Variants in KIF6 observed in about 807,000 individuals in gnomAD.
KIF6 encodes the protein kinesin family member 6.
Under a neutral mutation model 112.7 loss-of-function variants are expected in KIF6, and 106 were observed. The ratio of observed to expected loss-of-function variants is 0.94; its 90% CI spans 0.80 to 1.11. The LOEUF is 1.11. Ranked by LOEUF, KIF6 falls within the 50% of genes least tolerant of loss-of-function variation. KIF6 has a pLI of 0.00. For synonymous variants in KIF6, 339 were observed against 339.9 expected, an observed-to-expected ratio of 1.00 and a Z score of 0.03; for missense variants, 929 against 964.0, an observed-to-expected ratio of 0.96 and a Z score of 0.48.
chr6:39,533,094 G>A (rs1471610174), intron 13 of KIF6, among the ~76,000 whole-genome samples: 1 of 152,210 alleles, frequency 6.6e-6, no homozygotes, highest in African/African-American at 2.4e-5. Flanking sequence ...GCAGAAGACG[G>A]GTGATTTCTG....
chr6:39,681,125 T>A (rs1161134550), intron 3 of KIF6, among the ~76,000 whole-genome samples: 1 of 152,034 alleles, frequency 6.6e-6, no homozygotes. Context: ...TAAAATAAAA[T>A]AAAAAATAAC....
intron 6 of KIF6, among the ~76,000 whole-genome samples, chr6:39,606,829 C>G (rs1782915702): frequency 6.6e-6 from 1 of 152,176 alleles, no homozygotes. Context: ...GCCTGTGTTT[C>G]AGATCTCATC....
chr6:39,498,361 G>A (rs775909383), intron 13 of KIF6, among the ~76,000 whole-genome samples: 3 of 152,170 alleles, frequency 2.0e-5, no homozygotes, highest in Non-Finnish European at 2.9e-5. Context: ...AGGTGACAGA[G>A]AGTTGCGGGT....
chr6:39,557,599 A>C (rs1269914370), intron 10 of KIF6, among the ~76,000 whole-genome samples: 1 of 152,152 alleles, frequency 6.6e-6, no homozygotes, highest in African/African-American at 2.4e-5. Context: ...ACCTAATAAA[A>C]GTCCCATTGC....
At chr6:39,490,882 TTTA>T (rs1407124162) in intron 13 of KIF6, among the ~76,000 whole-genome samples, 1 of 152,062 alleles carries the variant, frequency 6.6e-6, no homozygotes, top group African/African-American at 2.4e-5. Context: ...GTAATAATAA[TTTA>T]TTTAGTAGCT....
chr6:39,631,732 T>TA (rs1022374259), intron 5 of KIF6, among the ~76,000 whole-genome samples: 4 of 151,984 alleles, frequency 2.6e-5, no homozygotes, highest in African/African-American at 9.7e-5. Flanking sequence ...TTTGTTTTTT[T>TA]TGTACAATCT....
intron 5 of KIF6, chr6:39,617,757 G>T (rs185100745): frequency 6.6e-6 from 3 of 455,218 alleles, no homozygotes; most frequent in Non-Finnish European, 1.3e-5. Context: ...AGGCCATTCC[G>T]TCTAGACACC....
rs72858477 is a variant in KIF6 at position 39,336,327 on chromosome 6, T to C, written c.*205A>G. ...AGCTCCAGCAACCACAGGAAGGATG[T>C]TGTGGTCAGCCCCAGCCCCAGCCTC... On this transcript the variant is annotated 3_prime_UTR_variant, in exon 23 of 23. Transcript: ENST00000287152. 28,601 of 576,368 alleles carry C rather than the reference T, an allele frequency of 0.05. 969 individuals are homozygous for C. Among genetic ancestry groups the C allele is most frequent in the Non-Finnish European group, 0.06 (19,392 of 323,408 alleles). 35.7% of individuals were successfully genotyped at this position (576,368 alleles called of 1,614,324 possible). A position where few individuals can be genotyped will look rare whatever the true frequency, so the allele number is the denominator to read the frequency against.
At chr6:39,693,157 G>A (rs973447285) in intron 3 of KIF6, among the ~76,000 whole-genome samples, 20 of 152,192 alleles carry the variant, frequency 1.3e-4, no homozygotes, top group East Asian at 1.9e-4. Context: ...GTTTTAGCTC[G>A]TCTGACTGAG....
chr6:39,431,374 T>C (rs957280177), intron 13 of KIF6: 10 of 453,948 alleles, frequency 2.2e-5, no homozygotes, highest in African/African-American at 9.9e-5. Flanking sequence ...CTCAGGACTG[T>C]GCCTGCACAG....
intron 8 of KIF6, 148 bp downstream of exon 8, chr6:39,586,113 A>G: frequency 2.9e-6 from 2 of 687,614 alleles, no homozygotes; most frequent in Admixed American, 5.1e-5. Context: ...TATAACAAAT[A>G]GCCCACAGCT....
intron 13 of KIF6, among the ~76,000 whole-genome samples, chr6:39,488,519 T>C (rs1333827341): frequency 6.6e-6 from 1 of 152,200 alleles, no homozygotes; most frequent in African/African-American, 2.4e-5. Flanking sequence ...GGAGCCTGGG[T>C]TAGGTCTCCT....
At chr6:39,642,914 T>C (rs1029212788) in intron 3 of KIF6, among the ~76,000 whole-genome samples, 5 of 152,092 alleles carry the variant, frequency 3.3e-5, no homozygotes, top group African/African-American at 1.2e-4. Flanking sequence ...GCATTGAAGG[T>C]ATGCCCCAAC....
intron 13 of KIF6, among the ~76,000 whole-genome samples, chr6:39,443,163 TAA>T (rs1562221602): frequency 7.8e-6 from 1 of 128,546 alleles, no homozygotes; most frequent in African/African-American, 2.8e-5. Context: ...TAATAATAAA[TAA>T]AAATAAAAAA....
chr6:39,421,649 G>A (rs1010699398), intron 14 of KIF6, among the ~76,000 whole-genome samples: 4 of 152,232 alleles, frequency 2.6e-5, no homozygotes, highest in African/African-American at 7.2e-5. Flanking sequence ...ACTGTGGACA[G>A]GAGGTTTCCA....
At chr6:39,578,636 AT>A (rs760948259) in intron 9 of KIF6, among the ~76,000 whole-genome samples, 2 of 151,964 alleles carry the variant, frequency 1.3e-5, no homozygotes, top group South Asian at 2.1e-4. Flanking sequence ...AGCCTCTATA[AT>A]TTTTTTTAAA....
intron 7 of KIF6, among the ~76,000 whole-genome samples, chr6:39,587,639 T>C (rs902153097): frequency 6.6e-6 from 1 of 152,114 alleles, no homozygotes; most frequent in Admixed American, 6.5e-5. Flanking sequence ...GCCACACTTC[T>C]ACTAGATATG....
intron 3 of KIF6, among the ~76,000 whole-genome samples, chr6:39,649,419 A>G (rs1206977245): frequency 6.6e-6 from 1 of 152,224 alleles, no homozygotes; most frequent in Non-Finnish European, 1.5e-5. Context: ...GAGAAAAATG[A>G]AACTGCAAAC....
chr6:39,512,524 C>T (rs763359069), intron 13 of KIF6, among the ~76,000 whole-genome samples: 33 of 152,204 alleles, frequency 2.2e-4, no homozygotes, highest in Non-Finnish European at 4.3e-4. Context: ...TCTTGCTCCT[C>T]CCAAGTCAGG....
Sources: gnomAD v4.1 joint callset for allele counts (sites outside exome capture counted in the v4.1 genomes callset) on GRCh38, gnomAD v4.1.1 for gene constraint, MANE v1.5 for transcripts, NCBI Gene and HGNC (gene_info 2026-07-23, HGNC 2026-07-21) for gene names.